The following THSD4 variants were observed in gnomAD, a reference collection of about 807,000 sequenced individuals.
The protein encoded by THSD4 is thrombospondin type-1 domain-containing protein 4.
Under a neutral mutation model 119.0 loss-of-function variants are expected in THSD4, and 69 were observed. That is an observed-to-expected ratio of 0.58 (90% CI 0.48 to 0.71). The LOEUF is 0.71. Among genes scored for constraint, THSD4 ranks in the 30% least tolerant of loss-of-function variants. THSD4 has a pLI of 0.00. For missense variants in THSD4, 1,393 were observed against 1,391.1 expected (o/e 1.00, Z -0.02); for synonymous variants, 524 against 540.4 (o/e 0.97, Z 0.42).
chr15:71,493,305 G>A (rs964381223), intron 7 of THSD4, among the ~76,000 whole-genome samples: 1 of 152,234 alleles, frequency 6.6e-6, no homozygotes, highest in Non-Finnish European at 1.5e-5. Flanking sequence ...TGCCAAGCCA[G>A]TGCTCTGTCT....
intron 10 of THSD4, chr15:71,733,092 G>A (rs1262593075): frequency 6.6e-6 from 1 of 152,232 alleles, no homozygotes; most frequent in African/African-American, 2.4e-5. Flanking sequence ...GGGATAATCA[G>A]ACAGACTATT....
intron 11 of THSD4, among the ~76,000 whole-genome samples, chr15:71,743,037 A>G (rs1396003179): frequency 2.1e-5 from 3 of 144,932 alleles, no homozygotes; most frequent in Non-Finnish European, 4.5e-5. Flanking sequence ...CCTGGGTGAC[A>G]GAGCTAAACT....
intron 6 of THSD4, among the ~76,000 whole-genome samples, chr15:71,322,022 G>T (rs2045276136): frequency 6.6e-6 from 1 of 150,758 alleles, no homozygotes; most frequent in Non-Finnish European, 1.5e-5. Context: ...TGATCACATG[G>T]ACTTAAAAAA....
At chr15:71,121,796 C>T (rs971526929) in intron 1 of THSD4, among the ~76,000 whole-genome samples, 1 of 151,966 alleles carries the variant, frequency 6.6e-6, no homozygotes, top group Non-Finnish European at 1.5e-5. Context: ...AATCAGGAGC[C>T]GTGGAGGCCG....
chr15:71,201,498 G>A (rs1243484140), intron 3 of THSD4, among the ~76,000 whole-genome samples: 1 of 152,188 alleles, frequency 6.6e-6, no homozygotes, highest in African/African-American at 2.4e-5. Flanking sequence ...TGGCAGAATC[G>A]GCTTGCCCAC....
intron 6 of THSD4, among the ~76,000 whole-genome samples, chr15:71,313,670 T>C (rs563568260): frequency 2.6e-5 from 4 of 152,290 alleles, no homozygotes; most frequent in Admixed American, 1.3e-4. Flanking sequence ...GAGAGACTCT[T>C]TTCGTAAAAG....
At chr15:71,164,553 C>T (rs1193555100) in intron 3 of THSD4, among the ~76,000 whole-genome samples, 3 of 151,974 alleles carry the variant, frequency 2.0e-5, no homozygotes, top group Non-Finnish European at 4.4e-5. Flanking sequence ...CCATACTGTA[C>T]CAAGCAAGGT....
At chr15:71,610,315 C>A (rs1401774217) in intron 7 of THSD4, among the ~76,000 whole-genome samples, 1 of 152,164 alleles carries the variant, frequency 6.6e-6, no homozygotes, top group Admixed American at 6.5e-5. Flanking sequence ...TTCATCTCTC[C>A]CCTTGGTTTT....
chr15:71,646,719 C>T (rs1317684423), intron 7 of THSD4, among the ~76,000 whole-genome samples: 1 of 152,172 alleles, frequency 6.6e-6, no homozygotes. Flanking sequence ...CGTATTTTCA[C>T]TTTATGACAG....
intron 7 of THSD4, among the ~76,000 whole-genome samples, chr15:71,598,629 G>A (rs1230546231): frequency 6.6e-6 from 1 of 151,836 alleles, no homozygotes; most frequent in African/African-American, 2.4e-5. Flanking sequence ...TGTTTGTTTT[G>A]TTTTTTTGTT....
intron 7 of THSD4, among the ~76,000 whole-genome samples, chr15:71,652,805 G>A (rs190649282): frequency 1.3e-3 from 204 of 152,160 alleles, no homozygotes; most frequent in African/African-American, 2.7e-3. Flanking sequence ...AAACCAGATC[G>A]CTCGTTTTAC....
At chr15:71,199,707 G>GTGT (rs2043768182) in intron 3 of THSD4, among the ~76,000 whole-genome samples, 2 of 9,756 alleles carry the variant, frequency 2.1e-4, no homozygotes, top group African/African-American at 4.6e-4. Context: ...GTGGTGTCTG[G>GTGT]GTGTGTGGTG....
In THSD4 at chr15:71,724,288, T is replaced by TATATATATATATA. The variant is rs1491162842; in HGVS notation, c.1358-4261_1358-4260insATATATATATATA. ...TGGGATATATATATATATATATATA[T>TATATATATATATA]TTTTTTTTTCCCCCCAAGATGGAAT... On this transcript the variant is annotated intron_variant, in intron 8 of 17. Coordinates refer to ENST00000261862, the MANE Select transcript of THSD4 (RefSeq NM_024817.3). Among the ~76,000 whole-genome samples, 13 of 31,472 alleles carry TATATATATATATA rather than the reference T, an allele frequency of 4.1e-4. 1 individual carries two copies. The highest frequency in any genetic ancestry group is 0.018 in the Middle Eastern group (1 of 56). 20.6% of individuals were successfully genotyped at this position (31,472 alleles called of 152,430 possible). A position where few individuals can be genotyped will look rare whatever the true frequency, so the allele number is the denominator to read the frequency against.
At chr15:71,509,892 T>C (rs1402915833) in intron 7 of THSD4, among the ~76,000 whole-genome samples, 1 of 152,224 alleles carries the variant, frequency 6.6e-6, no homozygotes, top group Non-Finnish European at 1.5e-5. Flanking sequence ...ATCTGGTTGT[T>C]GTAGTGTTTC....
At chr15:71,159,038 G>A (rs1473362262) in intron 3 of THSD4, among the ~76,000 whole-genome samples, 2 of 152,102 alleles carry the variant, frequency 1.3e-5, no homozygotes, top group East Asian at 1.9e-4. Flanking sequence ...CTTCTTCTCA[G>A]TTGGATATCT....
chr15:71,606,690 G>A (rs1295547849), intron 7 of THSD4, among the ~76,000 whole-genome samples: 3 of 152,132 alleles, frequency 2.0e-5, no homozygotes, highest in Non-Finnish European at 4.4e-5. Context: ...ACAGGCATGT[G>A]CCACCACGCC....
At chr15:71,306,922 A>C (rs556997182) in intron 6 of THSD4, among the ~76,000 whole-genome samples, 30 of 152,158 alleles carry the variant, frequency 2.0e-4, no homozygotes, top group Non-Finnish European at 3.8e-4. Flanking sequence ...TACAAGCATA[A>C]ATTTCTCAAA....
At chr15:71,654,993 A>G (rs368689839) in intron 7 of THSD4, among the ~76,000 whole-genome samples, 509 of 152,282 alleles carry the variant, frequency 3.3e-3, no homozygotes, top group Non-Finnish European at 6.0e-3. Context: ...CAGATTGCTC[A>G]TTTCCCTCAG....
intron 1 of THSD4, among the ~76,000 whole-genome samples, chr15:71,126,746 A>C (rs2141357771): frequency 6.6e-6 from 1 of 152,376 alleles, no homozygotes; most frequent in South Asian, 2.1e-4. Context: ...GAGAAGTCTC[A>C]GCAAAGAAAT....
Sources: gnomAD v4.1 joint callset for allele counts (sites outside exome capture counted in the v4.1 genomes callset) on GRCh38, gnomAD v4.1.1 for gene constraint, MANE v1.5 for transcripts, NCBI Gene and HGNC (gene_info 2026-07-23, HGNC 2026-07-21) for gene names.